The following SYNE3 variants were observed in gnomAD, a reference collection of about 807,000 sequenced individuals.
SYNE3 encodes spectrin repeat containing nuclear envelope family member 3.
A neutral mutation model predicts 111.2 loss-of-function variants in SYNE3; 100 were observed. The observed-to-expected ratio is 0.90, with a 90% CI of 0.77 to 1.06. SYNE3 has a LOEUF of 1.06. SYNE3 is among the 50% of genes least tolerant of loss of function. The pLI, the probability that SYNE3 is intolerant of heterozygous loss-of-function variation, is 0.00. For missense variants in SYNE3, 1,160 were observed against 1,240.3 expected (o/e 0.94, Z 0.97); for synonymous variants, 547 against 533.9 (o/e 1.02, Z -0.34).
intron 5 of SYNE3, chr14:95,455,925 C>T (rs1887410800): frequency 1.9e-6 from 1 of 533,970 alleles, no homozygotes; most frequent in African/African-American, 1.9e-5. Flanking sequence ...TATTCCTTCC[C>T]CATAAGTCTT....
intron 1 of SYNE3, among the ~76,000 whole-genome samples, chr14:95,498,873 C>T (rs1380961703): frequency 6.6e-6 from 1 of 152,166 alleles, no homozygotes; most frequent in Non-Finnish European, 1.5e-5. Flanking sequence ...CAGGACAAGG[C>T]GGACTAGAAA....
At position 95,417,990 on chromosome 14, in the gene SYNE3, T is replaced by TCC. The variant is rs757022479; in HGVS notation, c.2762_2763dup (p.Arg922GlyfsTer126). On this transcript the variant is annotated frameshift_variant, in exon 18 of 18. Coordinates refer to ENST00000682763, the MANE Select transcript of SYNE3 (RefSeq NM_152592.6). LOFTEE classifies it low-confidence loss of function (END_TRUNC). Reference sequence around the variant, plus strand: ...AGTGGGAGCGCCACACAGCACGCCCTCCGGAAGAGGGAGCCCAGTCCTCGC... The same window carrying TCC: ...AGTGGGAGCGCCACACAGCACGCCCTCCCCGGAAGAGGGAGCCCAGTCCTCGC... 2.5e-6 allele frequency: 4 copies of TCC among 1,611,842 alleles called. No homozygotes were observed. The African/African-American group carries it at 5.3e-5, about 22-fold the overall frequency.
chr14:95,487,443 C>G (rs574746526), intron 1 of SYNE3, among the ~76,000 whole-genome samples: 23 of 152,240 alleles, frequency 1.5e-4, no homozygotes, highest in African/African-American at 4.6e-4. Context: ...TTTCACTGTC[C>G]GTGTTGCTGG....
rs573346755 is a variant in SYNE3, at chr14:95,449,853, C to A, written c.1449+78G>T. On this transcript the variant is annotated intron_variant, in intron 8 of 17. Transcript: ENST00000682763. ...CCGGAGGACCCGGAAACGGACCTTC[C>A]CCTGGGAGAGAGACTGAAACACCAT... The A allele has an allele frequency of 1.4e-4, 210 of 1,505,362 alleles. No individual in the cohort carries two copies. The African/African-American group carries it at 2.6e-3, about 18-fold the overall frequency. The allele number at this position is 1,505,362 out of a possible 1,614,324, so 93.3% of individuals were successfully genotyped here.
intron 10 of SYNE3, 190 bp downstream of exon 10, chr14:95,444,295 T>C: frequency 1.5e-6 from 1 of 688,936 alleles, no homozygotes; most frequent in East Asian, 2.9e-5. Flanking sequence ...GACTCAGTTG[T>C]TTGAGGTCAG....
intron 6 of SYNE3, among the ~76,000 whole-genome samples, chr14:95,455,048 CCCA>C (rs1887325947): frequency 6.6e-6 from 1 of 152,188 alleles, no homozygotes. Context: ...CACACCTTAT[CCCA>C]CCACTGGGCA....
chr14:95,504,400 A>G (rs1445326031), intron 1 of SYNE3, among the ~76,000 whole-genome samples: 1 of 152,246 alleles, frequency 6.6e-6, no homozygotes. Flanking sequence ...AGAAAATTCT[A>G]TACTAGTCCT....
intron 1 of SYNE3, among the ~76,000 whole-genome samples, chr14:95,481,447 C>T (rs79786420): frequency 2.0e-4 from 30 of 152,208 alleles, no homozygotes; most frequent in South Asian, 4.1e-4. Flanking sequence ...TCAACCCCTA[C>T]GCTAGAGAGA....
At chr14:95,424,984 A>G (rs1335858667) in intron 17 of SYNE3, among the ~76,000 whole-genome samples, 1 of 152,256 alleles carries the variant, frequency 6.6e-6, no homozygotes, top group African/African-American at 2.4e-5. Flanking sequence ...TCATGCCTGT[A>G]ATCCCAGCAC....
At chr14:95,492,182 G>C (rs1298160465) in intron 1 of SYNE3, among the ~76,000 whole-genome samples, 1 of 152,216 alleles carries the variant, frequency 6.6e-6, no homozygotes, top group African/African-American at 2.4e-5. Context: ...GGTAGAAACA[G>C]AAAATGGTGC....
chr14:95,512,185 C>T (rs1375070047), intron 1 of SYNE3, among the ~76,000 whole-genome samples: 1 of 152,092 alleles, frequency 6.6e-6, no homozygotes, highest in Non-Finnish European at 1.5e-5. Context: ...CACATAAAAT[C>T]ATGTGTCATA....
Position 95,485,627 on chromosome 14 carries a change from C to T in SYNE3, c.-14-9792G>A, listed in dbSNP as rs955176788. ...AGCGTTTTTTTCCCTCTGCCCTCAC[C>T]AGGCTGTCTCCTCTCCCTCTCCCCT... On this transcript the variant is annotated intron_variant, in intron 1 of 17. Transcript: ENST00000682763. This position sits in a 1 kb window ranked among gnomAD's most constrained non-coding sequence, Gnocchi z 4.3. Among the ~76,000 whole-genome samples the T allele has an allele frequency of 1.3e-5, 2 of 152,098 alleles. No homozygotes were observed. The highest frequency in any genetic ancestry group is 2.9e-5 in the Non-Finnish European group (2 of 67,994).
chr14:95,478,057 C>T (rs1390854554), intron 1 of SYNE3, among the ~76,000 whole-genome samples: 7 of 152,150 alleles, frequency 4.6e-5, no homozygotes, highest in Non-Finnish European at 8.8e-5. Context: ...ACCTGTGAGG[C>T]TCAGTGGTTG....
At chr14:95,429,721 T>C (rs7140371) in intron 17 of SYNE3, among the ~76,000 whole-genome samples, 455 of 152,302 alleles carry the variant, frequency 3.0e-3, no homozygotes, top group African/African-American at 0.01. Flanking sequence ...TTTCCGTCTT[T>C]GCATACCCCA....
intron 1 of SYNE3, among the ~76,000 whole-genome samples, chr14:95,513,500 A>C (rs1890793589): frequency 6.6e-6 from 1 of 151,978 alleles, no homozygotes; most frequent in South Asian, 2.1e-4. Context: ...CTAAAGCATC[A>C]TCCCCAGTTA....
Position 95,415,067 on chromosome 14 carries a change from G to T in SYNE3, c.*2759C>A, listed in dbSNP as rs769898710. On this transcript the variant is annotated 3_prime_UTR_variant, in exon 18 of 18. Transcript: ENST00000682763. ...CCCCAACATGTGGTATATGTGACAGGCTGCATACATGCCCAGTGGCTGTTT... is the reference window on the plus strand; with the variant it reads ...CCCCAACATGTGGTATATGTGACAGTCTGCATACATGCCCAGTGGCTGTTT... 2.6e-5 allele frequency: 4 copies of T among 152,048 alleles called. No homozygotes were observed. The highest frequency in any genetic ancestry group is 5.9e-5 in the Non-Finnish European group (4 of 68,036). 9.4% of individuals were successfully genotyped at this position (152,048 alleles called of 1,614,324 possible).
chr14:95,503,373 T>G (rs143433893), intron 1 of SYNE3, among the ~76,000 whole-genome samples: 362 of 152,258 alleles, frequency 2.4e-3, no homozygotes, highest in African/African-American at 8.3e-3. Flanking sequence ...TTGGGCTCAG[T>G]CTTACAAGGA....
In SYNE3 at chr14:95,412,271, G is replaced by A. The variant is rs1188932052; in HGVS notation, c.*5555C>T. ...CGAGCTCTCCCACTGTCTCCCCTGT[G>A]TGGCTCTTCCAGTTTCTGTGACAGT... is the stretch of plus-strand genomic sequence containing the variant. On this transcript the variant is annotated 3_prime_UTR_variant, in exon 18 of 18. Transcript: ENST00000682763. 6.6e-6 allele frequency: 1 copy of A among 152,346 alleles called. No homozygotes were observed. Among genetic ancestry groups the A allele is most frequent in the African/African-American group, 2.4e-5 (1 of 41,464 alleles). 9.4% of individuals were successfully genotyped at this position (152,346 alleles called of 1,614,324 possible).
At position 95,475,729 on chromosome 14, in the gene SYNE3, G is replaced by A; in HGVS notation, c.93C>T (p.Asp31=). ...GGGCCGCGCGGGGTCCCTGCGTGTT[G>A]TCATTGACCTGCAGCTGGTCCTGCA... The part of the protein sequence containing the change: ...KAVQDQLQVN[D]NTQGPRAALE... The change falls in exon 2 of 18, where the codon GAC becomes GAT. Residue 31 remains aspartate, a synonymous_variant. Coordinates refer to ENST00000682763, the MANE Select transcript of SYNE3 (RefSeq NM_152592.6). The A allele has an allele frequency of 6.2e-7, 1 of 1,606,660 alleles. No individual in the cohort carries two copies.
Sources: gnomAD v4.1 joint callset for allele counts (sites outside exome capture counted in the v4.1 genomes callset) on GRCh38, gnomAD v4.1.1 for gene constraint, Gnocchi (gnomAD v3.1) non-coding constraint, MANE v1.5 for transcripts, NCBI Gene and HGNC (gene_info 2026-07-23, HGNC 2026-07-21) for gene names.